Variants in TBC1D19 observed in about 807,000 individuals in gnomAD.
The protein encoded by TBC1D19 is TBC1 domain family, member 19.
Under a neutral mutation model 89.0 loss-of-function variants are expected in TBC1D19, and 60 were observed. The ratio of observed to expected loss-of-function variants is 0.67; its 90% CI spans 0.55 to 0.84. TBC1D19 has a LOEUF of 0.84. TBC1D19 is among the 40% of genes least tolerant of loss of function. The probability of loss-of-function intolerance (pLI) is 0.00; values close to 1 mark genes in which losing one functional copy is unlikely to be tolerated. For synonymous variants in TBC1D19, 189 were observed against 199.7 expected (o/e 0.95, Z 0.45); for missense variants, 500 against 610.8 (o/e 0.82, Z 1.91).
the TBC1D19 span, among the ~76,000 whole-genome samples, chr4:26,781,798 ATT>A: frequency 4.1e-4 from 60 of 146,542 alleles, no homozygotes; most frequent in South Asian, 1.1e-3. Flanking sequence ...ATCAAGGTTG[ATT>A]TTTTTTTTTT....
the TBC1D19 span, among the ~76,000 whole-genome samples, chr4:26,839,038 G>A: frequency 3.9e-5 from 6 of 152,270 alleles, no homozygotes; most frequent in South Asian, 4.1e-4. Flanking sequence ...TTCAACAATC[G>A]AATGGAGGAA....
Position 26,682,940 on chromosome 4 carries a change from G to GTATT in TBC1D19, c.817-717_817-714dup, listed in dbSNP as rs992866887. Among the ~76,000 whole-genome samples the GTATT allele has an allele frequency of 3.6e-4, 54 of 151,868 alleles. 1 individual carries two copies. The highest frequency in any genetic ancestry group is 7.5e-4 in the African/African-American group (31 of 41,420). ...TATAGTATTATGTGGCCATATTCTTGTATTTATTTATTTATTTATTTTAGA... is the reference window on the plus strand; with the variant it reads ...TATAGTATTATGTGGCCATATTCTTGTATTTATTTATTTATTTATTTATTTTAGA... On this transcript the variant is annotated intron_variant, in intron 11 of 20. Coordinates refer to ENST00000264866, the MANE Select transcript of TBC1D19 (RefSeq NM_018317.4).
the TBC1D19 span, among the ~76,000 whole-genome samples, chr4:26,762,610 A>T: frequency 6.6e-6 from 1 of 152,196 alleles, no homozygotes; most frequent in African/African-American, 2.4e-5. Context: ...AAAGATATTC[A>T]TGTTCTAATT....
At chr4:26,749,474 T>G (rs917497421) in intron 19 of TBC1D19, among the ~76,000 whole-genome samples, 7 of 140,894 alleles carry the variant, frequency 5.0e-5, no homozygotes, top group Non-Finnish European at 1.1e-4. Flanking sequence ...TTTGAGACAC[T>G]CTTACTCTGT....
At chr4:26,578,047 C>T (rs746989655) in intron 1 of TBC1D19, among the ~76,000 whole-genome samples, 4 of 152,124 alleles carry the variant, frequency 2.6e-5, no homozygotes, top group South Asian at 2.1e-4. Flanking sequence ...TAAAAGGATT[C>T]TCCTTGCTAA....
At chr4:26,699,544 C>T (rs562990976) in intron 13 of TBC1D19, among the ~76,000 whole-genome samples, 20 of 152,294 alleles carry the variant, frequency 1.3e-4, no homozygotes, top group African/African-American at 4.8e-4. Context: ...AATCATGCTA[C>T]TATAAAGGGA....
chr4:26,603,400 T>G (rs1219190066), intron 1 of TBC1D19, among the ~76,000 whole-genome samples: 5 of 152,236 alleles, frequency 3.3e-5, no homozygotes, highest in African/African-American at 1.2e-4. Context: ...TTTTATGTTA[T>G]AAAGTATGGA....
chr4:26,624,410 T>G (rs573174017), intron 4 of TBC1D19, among the ~76,000 whole-genome samples: 187 of 152,288 alleles, frequency 1.2e-3, no homozygotes, highest in African/African-American at 4.4e-3. Flanking sequence ...TGAGTCTTGC[T>G]TTATCACCCA....
chr4:26,778,987 T>C, the TBC1D19 span, among the ~76,000 whole-genome samples: 2 of 152,188 alleles, frequency 1.3e-5, no homozygotes, highest in African/African-American at 2.4e-5. Flanking sequence ...GCATAGCATA[T>C]GTTAAAACTC....
chr4:26,630,047 T>C (rs1742706233), intron 4 of TBC1D19, among the ~76,000 whole-genome samples: 1 of 151,708 alleles, frequency 6.6e-6, no homozygotes, highest in African/African-American at 2.4e-5. Flanking sequence ...TATAATTTCA[T>C]TGTTTTTTTT....
At chr4:26,713,008 C>T (rs1477871265) in intron 13 of TBC1D19, among the ~76,000 whole-genome samples, 1 of 151,886 alleles carries the variant, frequency 6.6e-6, no homozygotes, top group Non-Finnish European at 1.5e-5. Flanking sequence ...CTTCGGGGGC[C>T]ATTATGCTAC....
At chr4:26,840,128 CTGG>C in the TBC1D19 span, among the ~76,000 whole-genome samples, 1,198 of 152,132 alleles carry the variant, frequency 7.9e-3, 12 homozygotes, top group African/African-American at 0.027. Context: ...GTCGCCCAGG[CTGG>C]AGTGCAGTGG....
At chr4:26,678,390 A>G (rs1300743730) in intron 11 of TBC1D19, among the ~76,000 whole-genome samples, 1 of 152,218 alleles carries the variant, frequency 6.6e-6, no homozygotes, top group Non-Finnish European at 1.5e-5. Context: ...AAACAGGTCT[A>G]TGCCTTCTCC....
chr4:26,656,209 T>C (rs1014603966), intron 7 of TBC1D19, among the ~76,000 whole-genome samples: 2 of 152,162 alleles, frequency 1.3e-5, no homozygotes, highest in African/African-American at 2.4e-5. Flanking sequence ...TCTTACTATA[T>C]GTGAGAATAA....
chr4:26,690,048 G>A (rs1314338107), intron 13 of TBC1D19, among the ~76,000 whole-genome samples: 1 of 152,184 alleles, frequency 6.6e-6, no homozygotes, highest in Non-Finnish European at 1.5e-5. Context: ...TAGTGAACAC[G>A]TGAGTGATAA....
the TBC1D19 span, among the ~76,000 whole-genome samples, chr4:26,841,860 G>A: frequency 6.6e-6 from 1 of 152,106 alleles, no homozygotes; most frequent in Non-Finnish European, 1.5e-5. Flanking sequence ...TCTGACAGGA[G>A]CTCAATGTTC....
intron 1 of TBC1D19, among the ~76,000 whole-genome samples, chr4:26,602,435 C>CTTTT (rs34004440): frequency 1.1e-4 from 8 of 73,052 alleles, no homozygotes; most frequent in African/African-American, 1.4e-4. Flanking sequence ...CTATTGTATT[C>CTTTT]TTTTTTTTTT....
At chr4:26,728,742 G>T (rs1717472374) in intron 15 of TBC1D19, among the ~76,000 whole-genome samples, 1 of 152,194 alleles carries the variant, frequency 6.6e-6, no homozygotes, top group Admixed American at 6.5e-5. Context: ...GGCCGGGCGT[G>T]GTGGCTCACG....
the TBC1D19 span, among the ~76,000 whole-genome samples, chr4:26,835,863 C>T: frequency 1.3e-5 from 2 of 152,020 alleles, no homozygotes; most frequent in Admixed American, 1.3e-4. Context: ...TTCTGTGATG[C>T]CTATTTTCTT....
Sources: allele counts gnomAD v4.1 joint callset (sites outside exome capture counted in the v4.1 genomes callset), GRCh38; gene constraint gnomAD v4.1.1; transcripts MANE v1.5; gene names NCBI Gene and HGNC (gene_info 2026-07-23, HGNC 2026-07-21).